The following AQR variants were observed in gnomAD, a reference collection of about 807,000 sequenced individuals.
AQR encodes aquarius intron-binding spliceosomal factor, also known as RNA helicase aquarius.
Under a neutral mutation model 180.5 loss-of-function variants are expected in AQR, and 61 were observed. The ratio of observed to expected loss-of-function variants is 0.34; its 90% confidence interval spans 0.28 to 0.42. The LOEUF is 0.42. Ranked by LOEUF, AQR falls within the 10% of genes least tolerant of loss-of-function variation. The pLI is 1.00. For synonymous variants in AQR, 551 were observed against 588.8 expected, an observed-to-expected ratio of 0.94 and a Z score of 0.93; for missense variants, 1,281 against 1,798.3, an observed-to-expected ratio of 0.71 and a Z score of 5.20.
intron 23 of AQR, 72 bp from the exon 24 acceptor site, chr15:34,890,396 G>A (rs376333113): frequency 2.4e-6 from 3 of 1,267,636 alleles, no homozygotes; most frequent in Non-Finnish European, 3.4e-6. Flanking sequence ...AAGAATCAAA[G>A]TTGAAACACA....
chr15:34,969,494 C>A, intron 1 of AQR, 45 bp downstream of exon 1: 1 of 1,608,306 alleles, frequency 6.2e-7, no homozygotes, highest in Non-Finnish European at 8.5e-7. Context: ...CTCGGGGCCA[C>A]GACGTCCATA....
At chr15:34,893,343 T>C (rs1302564209) in intron 23 of AQR, among the ~76,000 whole-genome samples, 1 of 152,054 alleles carries the variant, frequency 6.6e-6, no homozygotes, top group Non-Finnish European at 1.5e-5. Context: ...ATATGGTCAC[T>C]GCGTGATGGG....
At chr15:34,893,592 TGCATGC>T (rs1893182940) in intron 23 of AQR, 65 bp downstream of exon 23, 4 of 1,310,116 alleles carry the variant, frequency 3.1e-6, no homozygotes, top group Admixed American at 3.5e-5. Context: ...CATACCCATG[TGCATGC>T]GCATGCGTGC....
chr15:34,944,072 C>G (rs907818285), intron 6 of AQR, among the ~76,000 whole-genome samples: 2 of 152,090 alleles, frequency 1.3e-5, no homozygotes, highest in Non-Finnish European at 2.9e-5. Flanking sequence ...GTATCAATTT[C>G]AAATCTATTA....
chr15:34,969,543 G>T lies in AQR; in HGVS notation c.71C>A (p.Thr24Asn). Reference sequence around the variant, plus strand: ...ACCAGACTCGCCCGAGCTCACCTGGGTCACGAACTCCGCATTGATTTGGGA... The same window carrying T: ...ACCAGACTCGCCCGAGCTCACCTGGTTCACGAACTCCGCATTGATTTGGGA... The part of the protein sequence containing the change: ...TVSQINAEFV[T>N]QLACKYWAPH... The change falls in exon 1 of 35, where the codon ACC becomes AAC. Residue 24 changes from threonine (T) to asparagine (N), a missense_variant. Coordinates refer to ENST00000156471, the MANE Select transcript of AQR (RefSeq NM_014691.3). The T allele has an allele frequency of 6.2e-7, 1 of 1,613,666 alleles. No homozygotes were observed. The highest frequency in any genetic ancestry group is 8.5e-7 in the Non-Finnish European group (1 of 1,180,016).
chr15:34,920,068 G>C (rs1394235772), intron 14 of AQR, among the ~76,000 whole-genome samples: 1 of 152,118 alleles, frequency 6.6e-6, no homozygotes, highest in Non-Finnish European at 1.5e-5. Flanking sequence ...AACTGAAAGA[G>C]ACAATGAAAG....
intron 23 of AQR, 57 bp downstream of exon 23, chr15:34,893,606 T>TGTAC (rs1893183885): frequency 2.4e-6 from 2 of 824,380 alleles, no homozygotes; most frequent in Non-Finnish European, 3.7e-6. Flanking sequence ...TGCGCATGCG[T>TGTAC]GCACACACAC....
Position 34,862,883 on chromosome 15 carries a change from A to G in AQR, c.4013T>C (p.Phe1338Ser). Residue 1338 changes from phenylalanine to serine, a missense_variant, in exon 33 of 35, where the codon TTC (phenylalanine) becomes TCC (serine). By Grantham distance (155) the Phe-to-Ser change is radical (BLOSUM62 -2). Around this residue, in one of 9 missense-constraint regions of AQR, gnomAD observed 182 missense variants for 185.3 expected, o/e 0.98. Coordinates refer to ENST00000156471, the MANE Select transcript of AQR (RefSeq NM_014691.3). ...LHLHIIPTEPFPTTRKNGERP... is the reference protein window; with the variant it reads ...LHLHIIPTEPSPTTRKNGERP... ...AAGTCCTACCTTTCTAGTAGTTGGG[A>G]AAGGTTCTGTTGGAATTATATGCAA... The G allele has an allele frequency of 1.2e-6, 2 of 1,613,594 alleles. No homozygotes were observed. The highest frequency in any genetic ancestry group is 1.7e-6 in the Non-Finnish European group (2 of 1,179,682).
rs547244367 is a variant in AQR, at chr15:34,946,618, G to A, written c.330+1646C>T. ...CCCAGCCCGGCCAGCCGCCCCATCC[G>A]GGAGGTGAGGGGCGCCTCTGCCTGG... On this transcript the variant is annotated intron_variant, in intron 5 of 34. Transcript: ENST00000156471. Among the ~76,000 whole-genome samples the A allele has an allele frequency of 4.8e-5, 7 of 146,770 alleles. No individual in the cohort carries two copies. In the South Asian group the frequency reaches 1.1e-3, roughly 23 times the overall value.
chr15:34,884,717 T>C lies in AQR; in HGVS notation c.2835A>G (p.Glu945=), dbSNP rs1396254869. Residue 945 remains glutamate, a synonymous_variant, in exon 26 of 35, where the codon GAA becomes GAG. Coordinates refer to ENST00000156471, the MANE Select transcript of AQR (RefSeq NM_014691.3). The part of the protein sequence containing the change: ...FFLYQVMSRW[E]EYISKVKNKG... ...TATTTTTCACTTTGCTGATATACTC[T>C]TCCCAGCGAGACATTACCTGTAGAA... 4 of 1,601,556 alleles carry C rather than the reference T, an allele frequency of 2.5e-6. No homozygotes were observed. The highest frequency in any genetic ancestry group is 3.4e-6 in the Non-Finnish European group (4 of 1,176,476).
chr15:34,918,442 T>C, intron 14 of AQR, 64 bp from the exon 15 acceptor site: 1 of 1,564,356 alleles, frequency 6.4e-7, no homozygotes, highest in South Asian at 1.2e-5. Flanking sequence ...CAAAATAATT[T>C]ATGGAAGAAG....
At chr15:34,965,696 T>C (rs2050306949) in intron 1 of AQR, among the ~76,000 whole-genome samples, 1 of 151,792 alleles carries the variant, frequency 6.6e-6, no homozygotes, top group South Asian at 2.1e-4. Context: ...AATAACACCT[T>C]CCCAAATTAC....
rs912385986 is a variant in AQR at position 34,854,057 on chromosome 15, A to G, written c.*2735T>C. Reference sequence around the variant, plus strand: ...CAACTTTTATTACACCAACTTTGGGAGTCTTGATGATGTTTAAATCTTCTC... The same window carrying G: ...CAACTTTTATTACACCAACTTTGGGGGTCTTGATGATGTTTAAATCTTCTC... On this transcript the variant is annotated 3_prime_UTR_variant, in exon 35 of 35. Transcript: ENST00000156471. 7.3e-5 allele frequency: 11 copies of G among 151,396 alleles called. No homozygotes were observed. In the South Asian group the frequency reaches 1.5e-3, roughly 20 times the overall value. 9.4% of individuals were successfully genotyped at this position (151,396 alleles called of 1,614,324 possible).
chr15:34,964,841 C>A (rs1369963307), intron 1 of AQR, among the ~76,000 whole-genome samples: 1 of 151,774 alleles, frequency 6.6e-6, no homozygotes, highest in Non-Finnish European at 1.5e-5. Context: ...TTAGGCTTGA[C>A]CTGTAAATTG....
At chr15:34,904,168 T>C (rs1268208410) in intron 19 of AQR, among the ~76,000 whole-genome samples, 168 bp downstream of exon 19, 1 of 152,154 alleles carries the variant, frequency 6.6e-6, no homozygotes, top group Non-Finnish European at 1.5e-5. Flanking sequence ...TAAATTTTTA[T>C]ATTTCATCAT....
At chr15:34,883,166 A>T (rs1487589126) in intron 26 of AQR, among the ~76,000 whole-genome samples, 1 of 152,138 alleles carries the variant, frequency 6.6e-6, no homozygotes, top group East Asian at 1.9e-4. Flanking sequence ...CAGAAACTGG[A>T]ATCATGAAAG....
chr15:34,860,142 G>A lies in AQR; in HGVS notation c.4043C>T (p.Pro1348Leu), dbSNP rs1387647338. ...TTTTATTATTTGTACTTCATGAGATGGTCTCTCTCCATTCTAGAAGAAGGA... is the reference window on the plus strand; with the variant it reads ...TTTTATTATTTGTACTTCATGAGATAGTCTCTCTCCATTCTAGAAGAAGGA... ...FPTTRKNGER[P>L]SHEVQIIKNM... Residue 1348 changes from proline to leucine, a missense_variant, in exon 34 of 35, where the codon CCA becomes CTA. This residue lies in a region of AQR where 182 missense variants were observed against 185.3 expected (regional missense o/e 0.98). Transcript: ENST00000156471. The A allele has an allele frequency of 2.4e-5, 36 of 1,504,364 alleles. No homozygotes were observed. The highest frequency in any genetic ancestry group is 3.2e-5 in the Non-Finnish European group (36 of 1,114,184). 93.2% of individuals were successfully genotyped at this position (1,504,364 alleles called of 1,614,324 possible).
In AQR at chr15:34,940,794, T is replaced by G. The variant is rs1894011688; in HGVS notation, c.641+105A>C. 8 of 802,782 alleles carry G rather than the reference T, an allele frequency of 1.0e-5. 1 individual carries two copies. Among genetic ancestry groups the G allele is most frequent in the South Asian group, 9.4e-5 (6 of 63,592 alleles). 49.7% of individuals were successfully genotyped at this position (802,782 alleles called of 1,614,324 possible). Reference sequence around the variant, plus strand: ...AAAAGCACTTATTATAATAATTTATTTGCACTCAGCACTATATAAAGGGAA... The same window carrying G: ...AAAAGCACTTATTATAATAATTTATGTGCACTCAGCACTATATAAAGGGAA... On this transcript the variant is annotated intron_variant, in intron 8 of 34. Coordinates refer to ENST00000156471, the MANE Select transcript of AQR (RefSeq NM_014691.3).
chr15:34,958,607 T>A (rs1894365482), intron 3 of AQR, among the ~76,000 whole-genome samples: 1 of 152,178 alleles, frequency 6.6e-6, no homozygotes, highest in Non-Finnish European at 1.5e-5. Context: ...ATTAGCAGCT[T>A]TTGGTTGTTA....
Sources: gnomAD v4.1 joint callset for allele counts (sites outside exome capture counted in the v4.1 genomes callset) on GRCh38, gnomAD v4.1.1 for gene constraint, gnomAD v4.1.1 regional missense constraint, MANE v1.5 for transcripts, NCBI Gene and HGNC (gene_info 2026-07-23, HGNC 2026-07-21) for gene names.